The following ZNF667 variants were observed in gnomAD, a reference collection of about 807,000 sequenced individuals.
The protein encoded by ZNF667 is zinc finger protein 667, also known as myocardial ischemic preconditioning upregulated 1 ortholog.
A neutral mutation model predicts 31.8 loss-of-function variants in ZNF667; 13 were observed. The ratio of observed to expected loss-of-function variants is 0.41; its 90% CI spans 0.27 to 0.65. The LOEUF (loss-of-function observed/expected upper bound fraction) is 0.65. Among genes scored for constraint, ZNF667 ranks in the 30% least tolerant of loss-of-function variants. The pLI is 0.32. For synonymous variants in ZNF667, 228 were observed against 247.1 expected (o/e 0.92, Z 0.73); for missense variants, 642 against 725.6 (o/e 0.88, Z 1.32).
chr19:56,443,026 G>A (rs2042650053), intron 6 of ZNF667, among the ~76,000 whole-genome samples: 1 of 152,102 alleles, frequency 6.6e-6, no homozygotes, highest in South Asian at 2.1e-4. Context: ...TTGTTCAATG[G>A]ATAAATGTAT....
rs1443112596 is a variant in ZNF667, at chr19:56,471,701, G to C, written c.-62C>G. ...AAATCATGTTTTAAATGATTTACCA[G>C]ATAAGCAGATCAGTTGGCTTTCCCC... is the stretch of plus-strand genomic sequence containing the variant. On this transcript the variant is annotated splice_region_variant and 5_prime_UTR_variant, in exon 3 of 7. In the 5' UTR this introduces an upstream ATG that the reference lacks. Coordinates refer to ENST00000504904, the MANE Select transcript of ZNF667 (RefSeq NM_001321356.2). 2 of 152,206 alleles carry C rather than the reference G, an allele frequency of 1.3e-5. No individual in the cohort carries two copies. The highest frequency in any genetic ancestry group is 2.9e-5 in the Non-Finnish European group (2 of 68,038). The allele number at this position is 152,206 out of a possible 1,614,324, so 9.4% of individuals were successfully genotyped here. A position where few individuals can be genotyped will look rare whatever the true frequency, so the allele number is the denominator to read the frequency against.
At chr19:56,463,031 T>C (rs181817015) in intron 3 of ZNF667, among the ~76,000 whole-genome samples, 4 of 152,016 alleles carry the variant, frequency 2.6e-5, no homozygotes, top group Non-Finnish European at 4.4e-5. Flanking sequence ...GGGCGCAGGC[T>C]AGGTGTGAGG....
chr19:56,462,035 C>T (rs758555843), intron 4 of ZNF667, among the ~76,000 whole-genome samples: 6 of 152,246 alleles, frequency 3.9e-5, no homozygotes, highest in Non-Finnish European at 8.8e-5. Flanking sequence ...TCTCATCTTC[C>T]TCCACGGAGG....
At position 56,440,654 on chromosome 19, in the gene ZNF667, T is replaced by G; in HGVS notation, c.*508A>C. On this transcript the variant is annotated 3_prime_UTR_variant, in exon 7 of 7. Transcript: ENST00000504904. The stretch of plus-strand genomic sequence containing the variant: ...AAATATCGGTAATTTTTTTTTTTTT[T>G]GACACAGAGTCTTGCTCTGTTGCCC... 2.2e-6 allele frequency: 2 copies of G among 899,860 alleles called. No individual in the cohort carries two copies. Among genetic ancestry groups the G allele is most frequent in the Non-Finnish European group, 2.7e-6 (2 of 751,788 alleles). The allele number at this position is 899,860 out of a possible 1,614,324, so 55.7% of individuals were successfully genotyped here.
Position 56,441,281 on chromosome 19 carries a change from G to C in ZNF667, c.1714C>G (p.Arg572Gly), listed in dbSNP as rs201830540. The C allele has an allele frequency of 1.9e-6, 3 of 1,613,750 alleles. No homozygotes were observed. In the African/African-American group the frequency reaches 4.0e-5, roughly 22 times the overall value. Residue 572 changes from arginine (R) to glycine (G), a missense_variant, in exon 7 of 7, where the codon CGA becomes GGA. By Grantham distance (125) the Arg-to-Gly change is moderately radical (BLOSUM62 -2). Coordinates refer to ENST00000504904, the MANE Select transcript of ZNF667 (RefSeq NM_001321356.2). The surrounding 1 kb of genome is among the most constrained non-coding windows in gnomAD (Gnocchi z 4.2). ...TCTGAAGAATGACTTCTCTGATGTC[G>C]AATAAGGTCTGAGCCACTGCTAAAT... ...KAFSSGSDLI[R>G]HQRSHSSEKP...
At chr19:56,467,145 C>T (rs1440344151) in intron 3 of ZNF667, 8 of 430,710 alleles carry the variant, frequency 1.9e-5, no homozygotes, top group East Asian at 1.4e-4. Flanking sequence ...TGTGCCATGC[C>T]GGCCACATCA....
At chr19:56,444,288 C>T (rs1055459623) in intron 6 of ZNF667, 1 of 398,258 alleles carries the variant, frequency 2.5e-6, no homozygotes, top group African/African-American at 2.1e-5. Context: ...AGCTCTTACT[C>T]ATGGTGAAAG....
At chr19:56,460,004 T>C (rs1412512102) in intron 5 of ZNF667, among the ~76,000 whole-genome samples, 1 of 151,638 alleles carries the variant, frequency 6.6e-6, no homozygotes, top group Non-Finnish European at 1.5e-5. Context: ...AAAAAAAAAA[T>C]TTATACCAAA....
At chr19:56,442,784 T>C (rs761454572) in intron 6 of ZNF667, 43 bp from the exon 7 acceptor site, 5 of 1,484,732 alleles carry the variant, frequency 3.4e-6, no homozygotes, top group East Asian at 2.3e-5. Flanking sequence ...TTTTCCATGC[T>C]GAAAAAATGA....
intron 6 of ZNF667, among the ~76,000 whole-genome samples, chr19:56,448,033 A>C (rs899084874): frequency 6.6e-6 from 1 of 152,198 alleles, no homozygotes; most frequent in African/African-American, 2.4e-5. Flanking sequence ...TAGGTGAGCA[A>C]TCAAAGTATC....
At chr19:56,463,624 C>T (rs180847134) in intron 3 of ZNF667, among the ~76,000 whole-genome samples, 286 of 152,158 alleles carry the variant, frequency 1.9e-3, no homozygotes, top group Admixed American at 2.1e-3. Flanking sequence ...ACCTCCCCGG[C>T]TCAAGCGATC....
Position 56,441,577 on chromosome 19 carries a change from C to T in ZNF667, c.1418G>A (p.Cys473Tyr). ...GCTGAAGGCTTTTCCACATTCCTCA[C>T]ACTGGTAGGGTTTTTCTCCAGTATG... is the stretch of plus-strand genomic sequence containing the variant. ...RIHTGEKPYQ[C>Y]EECGKAFSHR... Residue 473 changes from cysteine to tyrosine, a missense_variant, in exon 7 of 7, where the codon TGT (cysteine) becomes TAT (tyrosine). Cys to Tyr is a radical substitution (Grantham distance 194). Coordinates refer to ENST00000504904, the MANE Select transcript of ZNF667 (RefSeq NM_001321356.2). The surrounding 1 kb of genome is among the most constrained non-coding windows in gnomAD (Gnocchi z 4.2). 1 of 1,614,206 alleles carries T rather than the reference C, an allele frequency of 6.2e-7. No homozygotes were observed. The highest frequency in any genetic ancestry group is 8.5e-7 in the Non-Finnish European group (1 of 1,180,040).
At chr19:56,474,218 A>G (rs1409921514) in intron 1 of ZNF667, 94 bp from the exon 2 acceptor site, 2 of 152,262 alleles carry the variant, frequency 1.3e-5, no homozygotes, top group Non-Finnish European at 2.9e-5. Flanking sequence ...CTGCCCTGGC[A>G]CCCCTTTGAG....
rs756427747 is a variant in ZNF667, at chr19:56,441,635, G to A, written c.1360C>T (p.Arg454Cys). Residue 454 changes from arginine to cysteine, a missense_variant, in exon 7 of 7, where the codon CGC (arginine) becomes TGC (cysteine). Transcript: ENST00000504904. The surrounding 1 kb of genome is among the most constrained non-coding windows in gnomAD (Gnocchi z 4.2). ...KCNKCSKVFG[R>C]QSFLIEHQRI... Reference sequence around the variant, plus strand: ...TGATGTTCAATAAGAAATGATTGGCGGCCGAAAACTTTACTACATTTATTG... The same window carrying A: ...TGATGTTCAATAAGAAATGATTGGCAGCCGAAAACTTTACTACATTTATTG... The A allele has an allele frequency of 3.7e-6, 6 of 1,613,850 alleles. No homozygotes were observed. Among genetic ancestry groups the A allele is most frequent in the Non-Finnish European group, 5.1e-6 (6 of 1,179,956 alleles).
chr19:56,448,482 CCCAGTGACATA>C lies in ZNF667; in HGVS notation c.254-5752_254-5742del, dbSNP rs557232817. On this transcript the variant is annotated intron_variant, in intron 6 of 6. Transcript: ENST00000504904. Reference sequence around the variant, plus strand: ...ACCAGTGGACTTGGGGTACCTGCTACCCAGTGACATACCAGTGACACACCAGCTGGAGTGGC... The same window carrying C: ...ACCAGTGGACTTGGGGTACCTGCTACCCAGTGACACACCAGCTGGAGTGGC... Among the ~76,000 whole-genome samples the C allele has an allele frequency of 3.2e-3, 485 of 152,286 alleles. 7 individuals are homozygous for C. The South Asian group carries it at 0.034, about 11-fold the overall frequency.
At chr19:56,452,555 C>G (rs2042853408) in intron 6 of ZNF667, among the ~76,000 whole-genome samples, 1 of 151,924 alleles carries the variant, frequency 6.6e-6, no homozygotes, top group Admixed American at 6.6e-5. Flanking sequence ...AAGAGCAAAC[C>G]AAACCCCAAA....
At position 56,440,966 on chromosome 19, in the gene ZNF667, T is replaced by G; in HGVS notation, c.*196A>C. 2 of 1,409,010 alleles carry G rather than the reference T, an allele frequency of 1.4e-6. 1 individual carries two copies. The highest frequency in any genetic ancestry group is 5.1e-5 in the East Asian group (2 of 39,422). The allele number at this position is 1,409,010 out of a possible 1,614,324, so 87.3% of individuals were successfully genotyped here. On this transcript the variant is annotated 3_prime_UTR_variant, in exon 7 of 7. Coordinates refer to ENST00000504904, the MANE Select transcript of ZNF667 (RefSeq NM_001321356.2). ...AAAAATGATCTTCATTCACAATGAC[T>G]GACCAAACTTCTGAGTTTCCTTCAG...
chr19:56,467,165 G>A (rs1352109912), intron 3 of ZNF667: 3 of 392,114 alleles, frequency 7.7e-6, no homozygotes, highest in Non-Finnish European at 1.5e-5. Flanking sequence ...ATGCTAAGGG[G>A]AATACTTGAC....
intron 3 of ZNF667, among the ~76,000 whole-genome samples, chr19:56,463,512 G>A (rs1411267847): frequency 6.6e-6 from 1 of 152,112 alleles, no homozygotes; most frequent in African/African-American, 2.4e-5. Context: ...TAGTGGAACT[G>A]AGGAACTCAT....
Sources: allele counts gnomAD v4.1 joint callset (sites outside exome capture counted in the v4.1 genomes callset), GRCh38; gene constraint gnomAD v4.1.1; non-coding constraint Gnocchi (gnomAD v3.1); transcripts MANE v1.5; gene names NCBI Gene and HGNC (gene_info 2026-07-23, HGNC 2026-07-21).